The following NRCAM variants were observed in gnomAD, a reference collection of about 807,000 sequenced individuals.
The protein encoded by NRCAM is neuronal cell adhesion molecule.
In NRCAM, 83 loss-of-function variants were observed where a neutral mutation model predicts 156.5. That is an observed-to-expected ratio of 0.53 (90% CI 0.44 to 0.64). The LOEUF is 0.64. Among genes scored for constraint, NRCAM ranks in the 30% least tolerant of loss-of-function variants. The pLI is 0.00. For synonymous variants in NRCAM, 538 were observed against 563.9 expected, an observed-to-expected ratio of 0.95 and a Z score of 0.65; for missense variants, 1,417 against 1,597.3, an observed-to-expected ratio of 0.89 and a Z score of 1.92.
intron 3 of NRCAM, among the ~76,000 whole-genome samples, chr7:108,283,526 G>A (rs1378034978): frequency 2.6e-5 from 4 of 152,156 alleles, no homozygotes; most frequent in African/African-American, 9.7e-5. Flanking sequence ...GGCACACGTG[G>A]GAAACAGAAT....
At chr7:108,227,756 T>C (rs989266314) in intron 8 of NRCAM, among the ~76,000 whole-genome samples, 2 of 152,184 alleles carry the variant, frequency 1.3e-5, no homozygotes, top group African/African-American at 4.8e-5. Context: ...CTCAGGCCAC[T>C]ATGTCTCCTG....
intron 1 of NRCAM, among the ~76,000 whole-genome samples, chr7:108,414,579 G>GT (rs1316525972): frequency 1.2e-4 from 19 of 152,326 alleles, no homozygotes; most frequent in Admixed American, 3.9e-4. Flanking sequence ...CTCTACCTAT[G>GT]TAACAATAAG....
At chr7:108,261,263 A>G (rs541069507) in intron 3 of NRCAM, among the ~76,000 whole-genome samples, 28 of 152,276 alleles carry the variant, frequency 1.8e-4, no homozygotes, top group Non-Finnish European at 3.1e-4. Flanking sequence ...TTGTGCTCCT[A>G]AGGATCAATA....
At chr7:108,229,285 T>C (rs1431562711) in intron 8 of NRCAM, among the ~76,000 whole-genome samples, 1 of 152,202 alleles carries the variant, frequency 6.6e-6, no homozygotes, top group East Asian at 1.9e-4. Flanking sequence ...ATTTTAGGGA[T>C]GGTGTCTCAC....
At chr7:108,447,259 CTTTTTT>C (rs34273772) in intron 1 of NRCAM, among the ~76,000 whole-genome samples, 31 of 84,238 alleles carry the variant, frequency 3.7e-4, no homozygotes, top group Admixed American at 5.9e-4. Context: ...TCACTTCTTT[CTTTTTT>C]TTTTTTTTTT....
intron 2 of NRCAM, among the ~76,000 whole-genome samples, chr7:108,347,957 C>A (rs1027694265): frequency 1.3e-5 from 2 of 152,172 alleles, no homozygotes; most frequent in Admixed American, 6.5e-5. Context: ...ACATCCCAAT[C>A]ACTGCACTCA....
intron 1 of NRCAM, among the ~76,000 whole-genome samples, chr7:108,451,398 A>AT (rs1393412533): frequency 6.8e-5 from 10 of 147,158 alleles, no homozygotes; most frequent in Non-Finnish European, 1.2e-4. Context: ...GGAAAAGAGT[A>AT]TAACGATGTC....
intron 28 of NRCAM, among the ~76,000 whole-genome samples, chr7:108,175,049 G>A (rs1443099585): frequency 2.6e-5 from 4 of 152,344 alleles, no homozygotes; most frequent in South Asian, 2.1e-4. Flanking sequence ...TTTTGGTCCT[G>A]TCTGATCCAG....
intron 1 of NRCAM, among the ~76,000 whole-genome samples, chr7:108,419,747 AG>A (rs1806715992): frequency 6.6e-6 from 1 of 152,250 alleles, no homozygotes; most frequent in African/African-American, 2.4e-5. Flanking sequence ...CTAGAGATAT[AG>A]TTTAAAGCAG....
intron 13 of NRCAM, among the ~76,000 whole-genome samples, chr7:108,205,606 C>CTAGA (rs2080701625): frequency 6.6e-6 from 1 of 152,160 alleles, no homozygotes; most frequent in African/African-American, 2.4e-5. Context: ...TTCACTGAGT[C>CTAGA]TAGATCTCAG....
chr7:108,428,646 C>T (rs1597656423), intron 1 of NRCAM, among the ~76,000 whole-genome samples: 1 of 152,090 alleles, frequency 6.6e-6, no homozygotes, highest in Admixed American at 6.5e-5. Flanking sequence ...CTGTAATACA[C>T]AAAAAATAAA....
chr7:108,352,871 TA>T (rs1012030076), intron 2 of NRCAM, among the ~76,000 whole-genome samples: 8 of 152,106 alleles, frequency 5.3e-5, no homozygotes, highest in African/African-American at 1.9e-4. Flanking sequence ...AATATAAGTT[TA>T]AAAAAACCCT....
At chr7:108,377,248 A>G (rs2099680018) in intron 2 of NRCAM, among the ~76,000 whole-genome samples, 1 of 152,214 alleles carries the variant, frequency 6.6e-6, no homozygotes, top group African/African-American at 2.4e-5. Context: ...GGAAATTTAT[A>G]GCCAATACAA....
intron 13 of NRCAM, among the ~76,000 whole-genome samples, chr7:108,198,422 G>A (rs182940430): frequency 6.6e-6 from 1 of 151,484 alleles, no homozygotes; most frequent in Non-Finnish European, 1.5e-5. Flanking sequence ...TTAAGTTTTA[G>A]GGTACATGTG....
chr7:108,195,399 G>A (rs368203074), intron 15 of NRCAM, among the ~76,000 whole-genome samples: 21 of 152,098 alleles, frequency 1.4e-4, no homozygotes, highest in Non-Finnish European at 2.1e-4. Flanking sequence ...TGAGGCGGGC[G>A]GATAATCTGA....
At chr7:108,381,166 G>A (rs74428789) in intron 2 of NRCAM, among the ~76,000 whole-genome samples, 2 of 148,534 alleles carry the variant, frequency 1.3e-5, no homozygotes, top group Non-Finnish European at 3.0e-5. Context: ...AGCTATATAT[G>A]TGTCATTGTA....
At chr7:108,208,259 T>C (rs954627302) in intron 12 of NRCAM, among the ~76,000 whole-genome samples, 6 of 151,934 alleles carry the variant, frequency 3.9e-5, no homozygotes, top group Admixed American at 1.3e-4. Flanking sequence ...TGAGCCAAGA[T>C]AGCCCATTAC....
intron 1 of NRCAM, among the ~76,000 whole-genome samples, chr7:108,423,139 G>A (rs1407738592): frequency 1.3e-5 from 2 of 152,042 alleles, no homozygotes; most frequent in African/African-American, 2.4e-5. Context: ...TGGTAGAGAG[G>A]ACGGTGATTC....
chr7:108,287,240 A>G (rs1036960102), intron 3 of NRCAM, among the ~76,000 whole-genome samples: 6 of 152,010 alleles, frequency 3.9e-5, no homozygotes, highest in Non-Finnish European at 7.4e-5. Flanking sequence ...AAAAATGCTA[A>G]GAAAAACTCT....
Sources: gnomAD v4.1 joint callset for allele counts (sites outside exome capture counted in the v4.1 genomes callset) on GRCh38, gnomAD v4.1.1 for gene constraint, MANE v1.5 for transcripts, NCBI Gene and HGNC (gene_info 2026-07-23, HGNC 2026-07-21) for gene names.